SLC25A48: variants seen among roughly 807,000 people sequenced by gnomAD.
SLC25A48 encodes the protein CTC-321K16.1.
SLC25A48 carries 29 observed loss-of-function variants against 32.2 expected under a neutral mutation model. The observed-to-expected ratio is 0.90, with a 90% CI of 0.67 to 1.23. The LOEUF (loss-of-function observed/expected upper bound fraction) is 1.23, where lower values mean the gene tolerates loss of function less well. Among genes scored for constraint, SLC25A48 ranks in the 50% most tolerant of loss-of-function variants. SLC25A48 has a pLI of 0.00. For synonymous variants in SLC25A48, 164 were observed against 172.3 expected, an observed-to-expected ratio of 0.95 and a Z score of 0.38; for missense variants, 399 against 422.7, an observed-to-expected ratio of 0.94 and a Z score of 0.49.
chr5:135,752,917 C>A (rs985205294), intron 3 of SLC25A48, among the ~76,000 whole-genome samples: 6 of 151,958 alleles, frequency 3.9e-5, no homozygotes, highest in Non-Finnish European at 5.9e-5. Context: ...ATGGTGTACA[C>A]CCCCTGTGAT....
intron 6 of SLC25A48, among the ~76,000 whole-genome samples, chr5:135,879,754 G>T (rs777835853): frequency 6.6e-5 from 10 of 152,112 alleles, no homozygotes. Flanking sequence ...TGTGTATCAG[G>T]GTCTGGGAGG....
chr5:135,659,458 A>T (rs1209997374), intron 3 of SLC25A48, among the ~76,000 whole-genome samples: 1 of 152,162 alleles, frequency 6.6e-6, no homozygotes, highest in Non-Finnish European at 1.5e-5. Context: ...CTATTCAACA[A>T]GTCTCTAGGA....
chr5:135,653,794 G>C (rs1753174126), intron 3 of SLC25A48: 2 of 456,106 alleles, frequency 4.4e-6, no homozygotes, highest in South Asian at 1.5e-5. Flanking sequence ...TGGGTGGCCA[G>C]AGAAGGAATA....
At chr5:135,606,892 A>G (rs1751951082) in intron 1 of SLC25A48, among the ~76,000 whole-genome samples, 1 of 152,198 alleles carries the variant, frequency 6.6e-6, no homozygotes, top group South Asian at 2.1e-4. Flanking sequence ...AAATGGCTAA[A>G]ATCACCACTG....
At chr5:135,683,235 G>C (rs978740743) in intron 3 of SLC25A48, among the ~76,000 whole-genome samples, 2 of 152,180 alleles carry the variant, frequency 1.3e-5, no homozygotes, top group African/African-American at 2.4e-5. Flanking sequence ...AGGAGGGCAG[G>C]GGGGCAGAGA....
intron 3 of SLC25A48, among the ~76,000 whole-genome samples, chr5:135,800,643 G>A (rs2126642017): frequency 6.6e-6 from 1 of 152,024 alleles, no homozygotes; most frequent in East Asian, 1.9e-4. Context: ...ATCCAGAGGG[G>A]AGAATATATT....
chr5:135,710,101 A>C (rs1401088774), intron 3 of SLC25A48, among the ~76,000 whole-genome samples: 1 of 152,228 alleles, frequency 6.6e-6, no homozygotes, highest in Non-Finnish European at 1.5e-5. Flanking sequence ...CACCAACAGG[A>C]AGTCCCCTTT....
intron 3 of SLC25A48, among the ~76,000 whole-genome samples, chr5:135,657,368 C>T (rs1356939774): frequency 6.6e-6 from 1 of 152,206 alleles, no homozygotes; most frequent in African/African-American, 2.4e-5. Context: ...ACAGGGCTTT[C>T]TGTGGGAAAT....
intron 3 of SLC25A48, among the ~76,000 whole-genome samples, chr5:135,777,114 C>A (rs571796943): frequency 1.3e-5 from 2 of 150,536 alleles, no homozygotes; most frequent in East Asian, 4.0e-4. Context: ...AATATCCAGG[C>A]GGGGAGAGGA....
At position 135,765,291 on chromosome 5, in the gene SLC25A48, G is replaced by C. The variant is rs531217248; in HGVS notation, c.-520-47232G>C. ...CTGTGATATGATTTGTGATATTCAGGGGTAAGAGGGTAATGTTACTTTCCA... is the reference window on the plus strand; with the variant it reads ...CTGTGATATGATTTGTGATATTCAGCGGTAAGAGGGTAATGTTACTTTCCA... On this transcript the variant is annotated intron_variant, in intron 3 of 10. Coordinates refer to the SLC25A48 transcript ENST00000646290. Among the ~76,000 whole-genome samples, 42 of 150,940 alleles carry C rather than the reference G, an allele frequency of 2.8e-4. 1 individual carries two copies. The highest frequency in any genetic ancestry group is 2.6e-3 in the Admixed American group (40 of 15,174).
Position 135,646,659 on chromosome 5 carries a change from T to TTATATATATATATATATATA in SLC25A48, c.-521+11704_-521+11723dup, listed in dbSNP as rs34299516. ...TACGCATTTATAATATAATTTCCCA[T>TTATATATATATATATATATA]TATATATATATATATATATACAATG... On this transcript the variant is annotated intron_variant, in intron 3 of 10. Transcript: ENST00000646290. Among the ~76,000 whole-genome samples, 1,006 of 125,254 alleles carry TTATATATATATATATATATA rather than the reference T, an allele frequency of 8.0e-3. 36 individuals carry two copies. Among genetic ancestry groups the TTATATATATATATATATATA allele is most frequent in the South Asian group, 0.014 (56 of 3,878 alleles). 82.2% of individuals were successfully genotyped at this position (125,254 alleles called of 152,430 possible). A position where few individuals can be genotyped will look rare whatever the true frequency, so the allele number is the denominator to read the frequency against.
intron 4 of SLC25A48, among the ~76,000 whole-genome samples, chr5:135,868,677 T>TACACACACACAC (rs34148471): frequency 2.0e-5 from 3 of 149,140 alleles, no homozygotes; most frequent in African/African-American, 4.9e-5. Flanking sequence ...CACACACACA[T>TACACACACACAC]ACACACACAC....
intron 3 of SLC25A48, among the ~76,000 whole-genome samples, chr5:135,725,702 C>G (rs1432183201): frequency 6.6e-6 from 1 of 152,154 alleles, no homozygotes; most frequent in Non-Finnish European, 1.5e-5. Context: ...CTAGGGCAAG[C>G]AGTAACTGTT....
chr5:135,748,042 G>A (rs1755681851), intron 3 of SLC25A48, among the ~76,000 whole-genome samples: 1 of 152,146 alleles, frequency 6.6e-6, no homozygotes. Context: ...GCCATCTGGA[G>A]CCCAATCTGG....
chr5:135,832,139 C>T (rs892793364), upstream of SLC25A48, among the ~76,000 whole-genome samples: 9 of 152,066 alleles, frequency 5.9e-5, no homozygotes, highest in Non-Finnish European at 1.3e-4. Context: ...CCCGAGCCAC[C>T]CAGGTGGAGG....
rs144310096 is a variant in SLC25A48, at chr5:135,701,706, G to A, written c.-521+66750G>A. 1.6e-4 allele frequency among the ~76,000 whole-genome samples: 24 copies of A among 152,224 alleles called. No homozygotes were observed. The East Asian group carries it at 4.7e-3, about 30-fold the overall frequency. On this transcript the variant is annotated intron_variant, in intron 3 of 10. Coordinates refer to the SLC25A48 transcript ENST00000646290. ...GGCAGCCCATGCTCCATGTTCCCTC[G>A]GCAAGGTCCTCATGTGGTCCAGATC...
chr5:135,757,861 G>A (rs1385744494), intron 3 of SLC25A48, among the ~76,000 whole-genome samples: 1 of 150,110 alleles, frequency 6.7e-6, no homozygotes, highest in African/African-American at 2.4e-5. Flanking sequence ...AACTCACTAT[G>A]CTATTAATAA....
At chr5:135,706,306 G>A (rs1179087452) in intron 3 of SLC25A48, among the ~76,000 whole-genome samples, 1 of 152,198 alleles carries the variant, frequency 6.6e-6, no homozygotes, top group African/African-American at 2.4e-5. Flanking sequence ...TGAGTTGGGT[G>A]TAGGAGGTAC....
chr5:135,830,844 G>T (rs76183337), upstream of SLC25A48, among the ~76,000 whole-genome samples: 20,705 of 152,170 alleles, frequency 0.14, 1,857 homozygotes, highest in Middle Eastern at 0.2. Flanking sequence ...GGCAGAGCCC[G>T]AAAATGTCAC....
Sources: allele counts gnomAD v4.1 joint callset (sites outside exome capture counted in the v4.1 genomes callset), GRCh38; gene constraint gnomAD v4.1.1; transcripts MANE v1.5; gene names NCBI Gene and HGNC (gene_info 2026-07-23, HGNC 2026-07-21).